NCAM1: variants seen among roughly 807,000 people sequenced by gnomAD.
NCAM1 encodes neural cell adhesion molecule 1, also known as antigen recognized by monoclonal antibody 5.1H11.
Under a neutral mutation model 109.8 loss-of-function variants are expected in NCAM1, and 14 were observed. The ratio of observed to expected loss-of-function variants is 0.13; its 90% confidence interval spans 0.08 to 0.20. The LOEUF (loss-of-function observed/expected upper bound fraction) is 0.20, where lower values mean the gene tolerates loss of function less well. Ranked by LOEUF, NCAM1 falls within the 10% of genes least tolerant of loss-of-function variation. NCAM1 has a pLI of 1.00. For missense variants in NCAM1, 774 were observed against 1,109.9 expected (o/e 0.70, Z 4.30); for synonymous variants, 418 against 442.9 (o/e 0.94, Z 0.70).
At chr11:113,147,444 G>A (rs1555101517) in intron 1 of NCAM1, among the ~76,000 whole-genome samples, 1 of 152,254 alleles carries the variant, frequency 6.6e-6, no homozygotes, top group Non-Finnish European at 1.5e-5. Context: ...AGCGACAGCT[G>A]CTGAAAGCTT....
At chr11:113,080,995 A>G (rs1189270051) in intron 1 of NCAM1, among the ~76,000 whole-genome samples, 3 of 152,192 alleles carry the variant, frequency 2.0e-5, no homozygotes, top group Admixed American at 1.3e-4. Context: ...CCGTCTGACA[A>G]TCATACTTTC....
chr11:113,259,092 C>CCT, intron 16 of NCAM1, among the ~76,000 whole-genome samples: 1 of 149,396 alleles, frequency 6.7e-6, no homozygotes, highest in African/African-American at 2.5e-5. Context: ...CGCTCTGTCG[C>CCT]CCAGGCTGGA....
chr11:113,242,228 A>C (rs1366267755), intron 14 of NCAM1, among the ~76,000 whole-genome samples: 2 of 152,276 alleles, frequency 1.3e-5, no homozygotes, highest in Non-Finnish European at 2.9e-5. Flanking sequence ...AATAGTAAGA[A>C]TAAATGAGAG....
chr11:113,012,693 C>T (rs1952100661), intron 1 of NCAM1, among the ~76,000 whole-genome samples: 1 of 152,176 alleles, frequency 6.6e-6, no homozygotes, highest in African/African-American at 2.4e-5. Context: ...TGGTGTTCTT[C>T]TTGTGTGCCT....
At chr11:113,073,325 C>A (rs1555085611) in intron 1 of NCAM1, among the ~76,000 whole-genome samples, 1 of 152,184 alleles carries the variant, frequency 6.6e-6, no homozygotes, top group Non-Finnish European at 1.5e-5. Flanking sequence ...CTCAAAAACA[C>A]ATCTGTCTTC....
At chr11:113,267,262 T>C (rs1379818563) in intron 17 of NCAM1, among the ~76,000 whole-genome samples, 3 of 152,208 alleles carry the variant, frequency 2.0e-5, no homozygotes, top group Non-Finnish European at 4.4e-5. Context: ...GAATCAGGAT[T>C]GTCCTAGATG....
At chr11:113,128,920 T>G (rs952915921) in intron 1 of NCAM1, among the ~76,000 whole-genome samples, 2 of 150,578 alleles carry the variant, frequency 1.3e-5, no homozygotes, top group Non-Finnish European at 1.5e-5. Flanking sequence ...TGTGTGTGTG[T>G]GTGTGTGTGT....
rs577999218 is a variant in NCAM1, at chr11:113,166,137, G to A, written c.53-36242G>A. The stretch of plus-strand genomic sequence containing the variant: ...TGAGCCACCGCGCCCGGGCAAAATT[G>A]ACTGATTTCTTTCCACGCCTGTTTA... On this transcript the variant is annotated intron_variant, in intron 1 of 19. Transcript: ENST00000316851. Among the ~76,000 whole-genome samples the A allele has an allele frequency of 2.0e-5, 3 of 152,162 alleles. No homozygotes were observed. The East Asian group carries it at 5.8e-4, about 29-fold the overall frequency.
At chr11:113,037,221 G>A (rs1555079298) in intron 1 of NCAM1, among the ~76,000 whole-genome samples, 3 of 152,152 alleles carry the variant, frequency 2.0e-5, no homozygotes, top group African/African-American at 7.2e-5. Flanking sequence ...ATTTAGAGAG[G>A]ACGTTATTAT....
chr11:113,218,763 A>G (rs1168982639), intron 8 of NCAM1, among the ~76,000 whole-genome samples: 4 of 152,220 alleles, frequency 2.6e-5, no homozygotes, highest in African/African-American at 9.6e-5. Flanking sequence ...CATCGAGATC[A>G]TTAAGGTAGA....
At chr11:113,229,964 A>C (rs1387644708) in intron 9 of NCAM1, among the ~76,000 whole-genome samples, 1 of 152,166 alleles carries the variant, frequency 6.6e-6, no homozygotes, top group Non-Finnish European at 1.5e-5. Flanking sequence ...GGATAGCATT[A>C]GCAGATATAC....
At chr11:113,039,990 A>T (rs531218441) in intron 1 of NCAM1, among the ~76,000 whole-genome samples, 1 of 151,962 alleles carries the variant, frequency 6.6e-6, no homozygotes, top group Admixed American at 6.6e-5. Context: ...AAAATACAAA[A>T]CTTATCCGGG....
chr11:113,094,048 G>A (rs927379089), intron 1 of NCAM1, among the ~76,000 whole-genome samples: 2 of 152,204 alleles, frequency 1.3e-5, no homozygotes, highest in Non-Finnish European at 2.9e-5. Context: ...ATCAATAGCA[G>A]ATAAGTGGTA....
intron 1 of NCAM1, among the ~76,000 whole-genome samples, chr11:113,171,397 C>T (rs10789937): frequency 0.62 from 94,617 of 151,942 alleles, 29,729 homozygotes; most frequent in South Asian, 0.72. Context: ...TTTGGGAGGC[C>T]GACGCGGGTA....
At chr11:113,191,718 T>G (rs1943679805) in intron 1 of NCAM1, among the ~76,000 whole-genome samples, 1 of 151,904 alleles carries the variant, frequency 6.6e-6, no homozygotes, top group Non-Finnish European at 1.5e-5. Flanking sequence ...TAGATACACA[T>G]GTACATACAT....
chr11:113,191,571 G>A (rs1943674341), intron 1 of NCAM1, among the ~76,000 whole-genome samples: 1 of 152,082 alleles, frequency 6.6e-6, no homozygotes, highest in Non-Finnish European at 1.5e-5. Flanking sequence ...TGTGGCCTTG[G>A]GCTGGTTATT....
chr11:113,266,351 C>T (rs1475053382), intron 17 of NCAM1, among the ~76,000 whole-genome samples: 2 of 152,218 alleles, frequency 1.3e-5, no homozygotes, highest in African/African-American at 4.8e-5. Flanking sequence ...AAGAGCATCT[C>T]ACCTGCTTGA....
chr11:113,186,731 T>A (rs1943519582), intron 1 of NCAM1, among the ~76,000 whole-genome samples: 1 of 152,146 alleles, frequency 6.6e-6, no homozygotes, highest in Admixed American at 6.5e-5. Flanking sequence ...TTCTGTTCAG[T>A]CTAGTGTGTC....
chr11:113,175,346 C>T (rs1943114530), intron 1 of NCAM1, among the ~76,000 whole-genome samples: 1 of 152,200 alleles, frequency 6.6e-6, no homozygotes, highest in Admixed American at 6.5e-5. Flanking sequence ...GTGAATCGTG[C>T]ATTTTGTAAC....
Sources: gnomAD v4.1 joint callset for allele counts (sites outside exome capture counted in the v4.1 genomes callset) on GRCh38, gnomAD v4.1.1 for gene constraint, MANE v1.5 for transcripts, NCBI Gene and HGNC (gene_info 2026-07-23, HGNC 2026-07-21) for gene names.